Variants in PRMT3 observed in about 807,000 individuals in gnomAD.
PRMT3 encodes the protein protein arginine methyltransferase 3.
A neutral mutation model predicts 71.9 loss-of-function variants in PRMT3; 62 were observed. The observed-to-expected ratio is 0.86, with a 90% CI of 0.70 to 1.07. PRMT3 has a LOEUF of 1.07. Among genes scored for constraint, PRMT3 ranks in the 50% least tolerant of loss-of-function variants. The probability of loss-of-function intolerance (pLI) is 0.00; values close to 1 mark genes in which losing one functional copy is unlikely to be tolerated. For synonymous variants in PRMT3, 213 were observed against 220.4 expected (o/e 0.97, Z 0.30); for missense variants, 663 against 643.0 (o/e 1.03, Z -0.34).
intron 15 of PRMT3, among the ~76,000 whole-genome samples, chr11:20,500,034 C>G (rs1456319899): frequency 1.3e-5 from 2 of 152,140 alleles, no homozygotes; most frequent in Non-Finnish European, 2.9e-5. Flanking sequence ...ATGTTTTCTT[C>G]CAATATCCCC....
chr11:20,450,087 AAGAT>A (rs1430427042), intron 10 of PRMT3, among the ~76,000 whole-genome samples: 1 of 152,206 alleles, frequency 6.6e-6, no homozygotes. Flanking sequence ...GCTGAGCTGA[AAGAT>A]AGAATACTAG....
intron 10 of PRMT3, among the ~76,000 whole-genome samples, chr11:20,444,871 T>C (rs1257726336): frequency 1.3e-5 from 2 of 152,108 alleles, no homozygotes; most frequent in African/African-American, 4.8e-5. Context: ...CTCTTTCTCT[T>C]TTCAGTTCTG....
At chr11:20,474,607 CAAAGATCCATGGGAGAGGTGT>C (rs1396966208) in intron 13 of PRMT3, among the ~76,000 whole-genome samples, 1 of 152,168 alleles carries the variant, frequency 6.6e-6, no homozygotes, top group African/African-American at 2.4e-5. Context: ...CTCCTAGGTG[CAAAGATCCATGGGAGAGGTGT>C]GGTTTCCTGG....
intron 9 of PRMT3, among the ~76,000 whole-genome samples, chr11:20,409,774 A>G (rs1217901785): frequency 6.6e-6 from 1 of 151,994 alleles, no homozygotes; most frequent in African/African-American, 2.4e-5. Context: ...TTATGATACC[A>G]TTAAGTACAA....
chr11:20,403,424 A>G (rs1423733536), intron 8 of PRMT3, among the ~76,000 whole-genome samples: 1 of 152,134 alleles, frequency 6.6e-6, no homozygotes, highest in East Asian at 1.9e-4. Flanking sequence ...GTAGTATAGT[A>G]TTTAGTTTAT....
chr11:20,431,604 C>G (rs941052978), intron 10 of PRMT3, among the ~76,000 whole-genome samples: 3 of 152,058 alleles, frequency 2.0e-5, no homozygotes, highest in Non-Finnish European at 4.4e-5. Context: ...TAGGGCTTCT[C>G]CCTTGCTTAA....
chr11:20,430,309 C>T lies in PRMT3; in HGVS notation c.993+3444C>T, dbSNP rs575087447. ...ACAGATGTTTAATGGATGTGTAATC[C>T]GGTATAGCAGTGTAGAAATCATATA... On this transcript the variant is annotated intron_variant, in intron 10 of 15. Coordinates refer to ENST00000331079, the MANE Select transcript of PRMT3 (RefSeq NM_005788.4). 1.4e-4 allele frequency among the ~76,000 whole-genome samples: 22 copies of T among 152,158 alleles called. 1 individual carries two copies. The South Asian group carries it at 2.9e-3, about 20-fold the overall frequency.
At chr11:20,443,012 A>T (rs1163199518) in intron 10 of PRMT3, among the ~76,000 whole-genome samples, 1 of 152,176 alleles carries the variant, frequency 6.6e-6, no homozygotes, top group Non-Finnish European at 1.5e-5. Context: ...GAGAAAGGGA[A>T]GGAGAGGGCA....
At chr11:20,450,631 G>A (rs894200509) in intron 10 of PRMT3, among the ~76,000 whole-genome samples, 5 of 152,056 alleles carry the variant, frequency 3.3e-5, no homozygotes, top group Non-Finnish European at 7.4e-5. Context: ...AGTTATTTTT[G>A]TATCAATGAA....
intron 10 of PRMT3, among the ~76,000 whole-genome samples, chr11:20,434,150 T>C (rs966887258): frequency 2.6e-5 from 4 of 152,344 alleles, no homozygotes; most frequent in Admixed American, 2.0e-4. Flanking sequence ...TTTCTTCATA[T>C]GCTTGTTGGC....
intron 10 of PRMT3, among the ~76,000 whole-genome samples, chr11:20,430,107 C>T (rs1300982451): frequency 1.3e-5 from 2 of 152,146 alleles, no homozygotes; most frequent in Admixed American, 1.3e-4. Context: ...TTTTCATGAA[C>T]CAGCATTTTA....
chr11:20,396,768 A>G (rs1285465172), intron 6 of PRMT3, among the ~76,000 whole-genome samples: 10 of 152,212 alleles, frequency 6.6e-5, no homozygotes, highest in Non-Finnish European at 1.5e-4. Context: ...TCAAAGTTTA[A>G]TGTGCATAGG....
chr11:20,446,016 A>C (rs189939980), intron 10 of PRMT3, among the ~76,000 whole-genome samples: 73 of 152,212 alleles, frequency 4.8e-4, no homozygotes, highest in Non-Finnish European at 6.9e-4. Context: ...TTTCCAGTTT[A>C]TTACGCAAAT....
At position 20,387,838 on chromosome 11, in the gene PRMT3, G is replaced by A; in HGVS notation, c.28+64G>A. ...CCCAGGCCGCGCCGCTGTGGGGCCG[G>A]TGGAAGACCCTCCGGGACACGGGCC... is the stretch of plus-strand genomic sequence containing the variant. On this transcript the variant is annotated intron_variant, in intron 1 of 15. Transcript: ENST00000331079. This position sits in a 1 kb window ranked among gnomAD's most constrained non-coding sequence, Gnocchi z 4.3. 2 of 1,538,018 alleles carry A rather than the reference G, an allele frequency of 1.3e-6. No homozygotes were observed. The highest frequency in any genetic ancestry group is 1.7e-6 in the Non-Finnish European group (2 of 1,144,082).
chr11:20,431,312 G>T (rs910116742), intron 10 of PRMT3, among the ~76,000 whole-genome samples: 2 of 152,078 alleles, frequency 1.3e-5, no homozygotes, highest in Admixed American at 1.3e-4. Context: ...TTACCTCTCT[G>T]TGCCTCAGTT....
chr11:20,500,953 T>A (rs58970289), intron 15 of PRMT3, among the ~76,000 whole-genome samples: 8 of 152,288 alleles, frequency 5.3e-5, no homozygotes, highest in African/African-American at 1.9e-4. Flanking sequence ...GACTCTGGTT[T>A]TTCATCATTT....
intron 13 of PRMT3, among the ~76,000 whole-genome samples, chr11:20,493,514 T>C (rs1472495290): frequency 6.6e-6 from 1 of 152,220 alleles, no homozygotes; most frequent in Non-Finnish European, 1.5e-5. Context: ...GCATCTTTCA[T>C]GCCGCTGCAG....
intron 9 of PRMT3, 137 bp downstream of exon 9, chr11:20,408,169 A>G: frequency 1.9e-6 from 1 of 528,040 alleles, no homozygotes. Flanking sequence ...CAGAATAATA[A>G]GATTTTAAGT....
chr11:20,388,223 AC>A, intron 2 of PRMT3, 69 bp downstream of exon 2: 1 of 1,600,898 alleles, frequency 6.2e-7, no homozygotes, highest in Non-Finnish European at 8.5e-7. Flanking sequence ...GTGCCCAGGA[AC>A]GCCTTCGGGC....
Sources: gnomAD v4.1 joint callset for allele counts (sites outside exome capture counted in the v4.1 genomes callset) on GRCh38, gnomAD v4.1.1 for gene constraint, Gnocchi (gnomAD v3.1) non-coding constraint, MANE v1.5 for transcripts, NCBI Gene and HGNC (gene_info 2026-07-23, HGNC 2026-07-21) for gene names.